ITIH2: variants seen among roughly 807,000 people sequenced by gnomAD.
The protein encoded by ITIH2 is inter-alpha-trypsin inhibitor heavy chain 2.
A neutral mutation model predicts 104.4 loss-of-function variants in ITIH2; 103 were observed. That is an observed-to-expected ratio of 0.99 (90% CI 0.84 to 1.16). ITIH2 has a LOEUF of 1.16. ITIH2 is among the 50% of genes most tolerant of loss of function. The pLI is 0.00. For synonymous variants in ITIH2, 436 were observed against 435.4 expected (o/e 1.00, Z -0.02); for missense variants, 1,108 against 1,162.4 (o/e 0.95, Z 0.68).
Position 7,732,323 on chromosome 10 carries a change from C to A in ITIH2, c.1648-15C>A, listed in dbSNP as rs1185299076. ...TGTTACCCAGTGTCTCTCAACTGAA[C>A]CTTCCATCATCTAGGCTAACACGCA... On this transcript the variant is annotated splice_polypyrimidine_tract_variant and intron_variant, in intron 13 of 20. Transcript: ENST00000358415. The A allele has an allele frequency of 1.9e-6, 3 of 1,609,130 alleles. No individual in the cohort carries two copies. Among genetic ancestry groups the A allele is most frequent in the Non-Finnish European group, 1.7e-6 (2 of 1,175,862 alleles).
At chr10:7,713,125 GAAA>G in intron 4 of ITIH2, 53 bp from the exon 5 acceptor site, 36 of 1,096,182 alleles carry the variant, frequency 3.3e-5, no homozygotes, top group South Asian at 6.2e-5. Flanking sequence ...ATCTCGAGGG[GAAA>G]AAAAAAAAAG....
At chr10:7,732,759 G>A (rs1011509262) in intron 14 of ITIH2, among the ~76,000 whole-genome samples, 7 of 151,352 alleles carry the variant, frequency 4.6e-5, no homozygotes, top group East Asian at 3.9e-4. Flanking sequence ...GCAGAGTCTC[G>A]CTCTGTCTCC....
intron 12 of ITIH2, among the ~76,000 whole-genome samples, chr10:7,731,148 A>C (rs1834998735): frequency 6.6e-6 from 1 of 151,876 alleles, no homozygotes; most frequent in Non-Finnish European, 1.5e-5. Context: ...AAACTCCTGA[A>C]CTCAGGTGAT....
chr10:7,724,854 G>T (rs1442814820), intron 9 of ITIH2, among the ~76,000 whole-genome samples: 1 of 152,116 alleles, frequency 6.6e-6, no homozygotes, highest in Non-Finnish European at 1.5e-5. Flanking sequence ...ATTGCCAAAT[G>T]TCCGCTGGGG....
intron 15 of ITIH2, among the ~76,000 whole-genome samples, chr10:7,737,048 T>C (rs1345002402): frequency 6.6e-6 from 1 of 151,988 alleles, no homozygotes; most frequent in Admixed American, 6.6e-5. Flanking sequence ...GTACAAGCAC[T>C]TGCTCCCAAT....
At chr10:7,726,924 C>A (rs368254410) in intron 9 of ITIH2, 26 bp from the exon 10 acceptor site, 508 of 1,539,834 alleles carry the variant, frequency 3.3e-4, no homozygotes, top group Non-Finnish European at 3.9e-4. Flanking sequence ...TGTAATGGGA[C>A]CTGTCTTTAT....
chr10:7,746,651 T>A lies in ITIH2; in HGVS notation c.2640T>A (p.Pro880=). Residue 880 remains proline, a synonymous_variant, in exon 20 of 21, where the codon CCT becomes CCA. Transcript: ENST00000358415. ...TCAATGAGAGACCAGGAAAGGACCC[T>A]GAGAAGCCAGAGGCCAGCATGGAAG... is the stretch of plus-strand genomic sequence containing the variant. ...HIFNERPGKD[P]EKPEASMEVK... 1 of 1,613,922 alleles carries A rather than the reference T, an allele frequency of 6.2e-7. No individual in the cohort carries two copies. Among genetic ancestry groups the A allele is most frequent in the Non-Finnish European group, 8.5e-7 (1 of 1,179,924 alleles).
Position 7,727,800 on chromosome 10 carries a change from T to C in ITIH2, c.1251T>C (p.Ile417=). Residue 417 remains isoleucine, a synonymous_variant, in exon 11 of 21, where the codon ATT becomes ATC. Transcript: ENST00000358415. ...LLDPNSVSLI[I]LVSDGDPTVG... ...ACCCCAACTCCGTCTCGCTGATCATTTTGGTTTCTGATGGAGATCCAACAG... is the reference window on the plus strand; with the variant it reads ...ACCCCAACTCCGTCTCGCTGATCATCTTGGTTTCTGATGGAGATCCAACAG... The C allele has an allele frequency of 3.1e-6, 5 of 1,614,192 alleles. No individual in the cohort carries two copies. In the African/African-American group the frequency reaches 6.7e-5, roughly 22 times the overall value.
chr10:7,716,605 G>C (rs534557789), intron 5 of ITIH2, among the ~76,000 whole-genome samples: 1 of 151,696 alleles, frequency 6.6e-6, no homozygotes. Flanking sequence ...GCATGGTGGC[G>C]CATGCCTGTA....
chr10:7,742,672 A>C (rs1564307468), intron 16 of ITIH2, among the ~76,000 whole-genome samples: 2 of 152,194 alleles, frequency 1.3e-5, no homozygotes, highest in African/African-American at 4.8e-5. Context: ...TGAGCCTTGG[A>C]GGTCAAGGCT....
Position 7,744,789 on chromosome 10 carries a change from A to G in ITIH2, c.2409-2A>G, listed in dbSNP as rs1835159575. 1 of 1,612,758 alleles carries G rather than the reference A, an allele frequency of 6.2e-7. No homozygotes were observed. On this transcript the variant is annotated splice_acceptor_variant, in intron 18 of 20. Transcript: ENST00000358415. LOFTEE classifies it high-confidence loss of function. ...TTAATTCCTCTTGGACTTTCACACC[A>G]GGGTGCAGATCTCAGTGAAGAAAGA...
chr10:7,725,046 G>GA (rs145777011), intron 9 of ITIH2, among the ~76,000 whole-genome samples: 9 of 151,498 alleles, frequency 5.9e-5, no homozygotes, highest in Non-Finnish European at 1.0e-4. Context: ...ACAAAAAACA[G>GA]AAAAAAAACG....
intron 8 of ITIH2, among the ~76,000 whole-genome samples, chr10:7,723,161 G>GGA: frequency 2.7e-5 from 4 of 150,698 alleles, no homozygotes; most frequent in Non-Finnish European, 5.9e-5. Context: ...GGCGTGGAGT[G>GGA]GTGTGACGTG....
In ITIH2 at chr10:7,744,838, A is replaced by G. The variant is rs1303442378; in HGVS notation, c.2456A>G (p.Asp819Gly). The G allele has an allele frequency of 1.2e-6, 2 of 1,614,032 alleles. No homozygotes were observed. Among genetic ancestry groups the G allele is most frequent in the African/African-American group, 2.7e-5 (2 of 74,914 alleles). ...KKEKVVTITL[D>G]KEMSFSVLLH... is the part of the protein sequence containing the mutation. ...GAAAAAGTGGTAACTATCACCCTGGATAAAGAGATGTCCTTTTCTGTTTTA... is the reference window on the plus strand; with the variant it reads ...GAAAAAGTGGTAACTATCACCCTGGGTAAAGAGATGTCCTTTTCTGTTTTA... Residue 819 changes from aspartate to glycine, a missense_variant, in exon 19 of 21, where the codon GAT becomes GGT. Transcript: ENST00000358415.
chr10:7,717,778 A>G lies in ITIH2; in HGVS notation c.620A>G (p.Lys207Arg). ...TATCTGCAACCTGGACGGCTGGCCA[A>G]ACACTTAGAGGTAAGCCTGGATCTG... is the stretch of plus-strand genomic sequence containing the variant. ...RIYLQPGRLA[K>R]HLEVDVWVIE... is the part of the protein sequence containing the mutation. Residue 207 changes from lysine (K) to arginine (R), a missense_variant, in exon 6 of 21, where the codon AAA (lysine) becomes AGA (arginine). Physicochemically the swap from Lys to Arg is conservative, Grantham distance 26. Coordinates refer to ENST00000358415, the MANE Select transcript of ITIH2 (RefSeq NM_002216.3). 1 of 1,610,430 alleles carries G rather than the reference A, an allele frequency of 6.2e-7. No individual in the cohort carries two copies. Among genetic ancestry groups the G allele is most frequent in the South Asian group, 1.1e-5 (1 of 90,934 alleles).
At chr10:7,748,556 T>G (rs1835203400) in intron 20 of ITIH2, among the ~76,000 whole-genome samples, 1 of 117,650 alleles carries the variant, frequency 8.5e-6, no homozygotes, top group Non-Finnish European at 1.7e-5. Flanking sequence ...TTTTTTTTTT[T>G]TTAGTGACAG....
At chr10:7,734,233 T>C (rs1346509841) in intron 14 of ITIH2, among the ~76,000 whole-genome samples, 1 of 152,216 alleles carries the variant, frequency 6.6e-6, no homozygotes, top group African/African-American at 2.4e-5. Flanking sequence ...TGTGTCAGCT[T>C]CTTCCATTGT....
At chr10:7,729,914 T>C in intron 11 of ITIH2, 38 bp from the exon 12 acceptor site, 1 of 1,484,524 alleles carries the variant, frequency 6.7e-7, no homozygotes, top group Non-Finnish European at 9.1e-7. Flanking sequence ...ATGATATTGC[T>C]TCTTCATTCC....
intron 2 of ITIH2, among the ~76,000 whole-genome samples, chr10:7,706,287 C>T (rs1834746624): frequency 6.6e-6 from 1 of 152,156 alleles, no homozygotes; most frequent in African/African-American, 2.4e-5. Flanking sequence ...CTCAGTTCAC[C>T]CCGAATCAGG....
Sources: allele counts gnomAD v4.1 joint callset (sites outside exome capture counted in the v4.1 genomes callset), GRCh38; gene constraint gnomAD v4.1.1; transcripts MANE v1.5; gene names NCBI Gene and HGNC (gene_info 2026-07-23, HGNC 2026-07-21).